Variants in HIPK3 observed in about 807,000 individuals in gnomAD.
HIPK3 encodes the protein homeodomain interacting protein kinase 3.
In HIPK3, 47 loss-of-function variants were observed where a neutral mutation model predicts 124.2. The observed-to-expected ratio is 0.38, with a 90% CI of 0.30 to 0.48. HIPK3 has a LOEUF of 0.48. Ranked by LOEUF, HIPK3 falls within the 20% of genes least tolerant of loss-of-function variation. The probability of loss-of-function intolerance (pLI) is 0.98; values close to 1 mark genes in which losing one functional copy is unlikely to be tolerated. For synonymous variants in HIPK3, 482 were observed against 515.2 expected (o/e 0.94, Z 0.87); for missense variants, 1,286 against 1,454.3 (o/e 0.88, Z 1.88).
rs1396262442 is a variant in HIPK3 at position 33,356,264 on chromosome 11, C to T, written c.*2696C>T. 2 of 151,926 alleles carry T rather than the reference C, an allele frequency of 1.3e-5. No individual in the cohort carries two copies. The highest frequency in any genetic ancestry group is 2.9e-5 in the Non-Finnish European group (2 of 67,896). The allele number at this position is 151,926 out of a possible 1,614,324, so 9.4% of individuals were successfully genotyped here. On this transcript the variant is annotated 3_prime_UTR_variant, in exon 17 of 17. Transcript: ENST00000303296. ...AGGTATATCCCAGTTAACTACACTG[C>T]TCTTTAATTGCAATCATGGGCATTT...
chr11:33,285,014 T>A (rs970828171), intron 1 of HIPK3, among the ~76,000 whole-genome samples: 7 of 152,224 alleles, frequency 4.6e-5, no homozygotes, highest in African/African-American at 1.7e-4. Flanking sequence ...ATTTCATATT[T>A]TATAAATTCT....
At chr11:33,312,851 C>CA (rs1355334826) in intron 2 of HIPK3, among the ~76,000 whole-genome samples, 1 of 152,120 alleles carries the variant, frequency 6.6e-6, no homozygotes, top group Non-Finnish European at 1.5e-5. Flanking sequence ...TCTGGAAAGG[C>CA]AAGTATATCT....
chr11:33,272,766 C>G (rs538392693), intron 1 of HIPK3, among the ~76,000 whole-genome samples: 1 of 86,026 alleles, frequency 1.2e-5, no homozygotes, highest in African/African-American at 4.6e-5. Flanking sequence ...CTCTCCCTCC[C>G]TCCCTCCTCC....
chr11:33,328,786 CTG>C (rs759263548), intron 3 of HIPK3, among the ~76,000 whole-genome samples, 153 bp downstream of exon 3: 5 of 152,100 alleles, frequency 3.3e-5, no homozygotes, highest in African/African-American at 1.2e-4. Context: ...ATTTTGAAAA[CTG>C]TTTTATAATG....
intron 1 of HIPK3, among the ~76,000 whole-genome samples, chr11:33,280,234 A>T (rs1010597914): frequency 1.3e-5 from 2 of 152,220 alleles, no homozygotes; most frequent in Non-Finnish European, 2.9e-5. Context: ...AGGGTCATGA[A>T]TAATACAGCT....
chr11:33,341,024 A>T lies in HIPK3; in HGVS notation c.1670A>T (p.Asp557Val). 6.2e-7 allele frequency: 1 copy of T among 1,608,954 alleles called. No individual in the cohort carries two copies. The highest frequency in any genetic ancestry group is 8.5e-7 in the Non-Finnish European group (1 of 1,175,698). Residue 557 changes from aspartate (D) to valine (V), a missense_variant, in exon 7 of 17, where the codon GAC (aspartate) becomes GTC (valine). Physicochemically the swap from Asp to Val is radical, Grantham distance 152. Transcript: ENST00000303296. ...TGTAAGTCCCACCTAAATTCATGTG[A>T]CACAAATAATCACAACAAAACTTCA... ...DICKSHLNSC[D>V]TNNHNKTSLL...
chr11:33,296,979 A>G (rs1851858509), intron 2 of HIPK3, among the ~76,000 whole-genome samples: 1 of 152,238 alleles, frequency 6.6e-6, no homozygotes, highest in Admixed American at 6.5e-5. Flanking sequence ...TATTGTGGCA[A>G]ACAGTCAAGT....
chr11:33,345,933 T>G (rs1223336094), intron 8 of HIPK3, among the ~76,000 whole-genome samples: 1 of 152,118 alleles, frequency 6.6e-6, no homozygotes, highest in Admixed American at 6.5e-5. Flanking sequence ...AAGAAAACAA[T>G]TGTAGTATTT....
chr11:33,279,718 CTG>C (rs1851363615), intron 1 of HIPK3, among the ~76,000 whole-genome samples: 1 of 152,132 alleles, frequency 6.6e-6, no homozygotes, highest in Non-Finnish European at 1.5e-5. Context: ...ATCCCTTAGA[CTG>C]GGTAATTTCT....
chr11:33,340,966 A>G lies in HIPK3; in HGVS notation c.1614-2A>G. Reference sequence around the variant, plus strand: ...GTAATACCTTCACTTTTTCTTTTACAGTGTAAAGTCCTGTTTTCATATTAT... The same window carrying G: ...GTAATACCTTCACTTTTTCTTTTACGGTGTAAAGTCCTGTTTTCATATTAT... On this transcript the variant is annotated splice_acceptor_variant, in intron 6 of 16. Coordinates refer to ENST00000303296, the MANE Select transcript of HIPK3 (RefSeq NM_005734.5). LOFTEE classifies it high-confidence loss of function. 1 of 1,543,416 alleles carries G rather than the reference A, an allele frequency of 6.5e-7. No homozygotes were observed. The highest frequency in any genetic ancestry group is 8.8e-7 in the Non-Finnish European group (1 of 1,131,220).
At chr11:33,306,819 A>G (rs912433083) in intron 2 of HIPK3, among the ~76,000 whole-genome samples, 5 of 152,210 alleles carry the variant, frequency 3.3e-5, no homozygotes, top group African/African-American at 9.6e-5. Flanking sequence ...ATATGATGAT[A>G]GGGAGTCTCC....
At chr11:33,280,274 GA>G (rs928087268) in intron 1 of HIPK3, among the ~76,000 whole-genome samples, 2 of 152,104 alleles carry the variant, frequency 1.3e-5, no homozygotes, top group Non-Finnish European at 2.9e-5. Context: ...ACATTGCAAT[GA>G]AAAATAGGAA....
chr11:33,295,566 A>AGT (rs1371643452), intron 2 of HIPK3, among the ~76,000 whole-genome samples: 4 of 152,260 alleles, frequency 2.6e-5, no homozygotes, highest in African/African-American at 4.8e-5. Flanking sequence ...TCGTTCACAT[A>AGT]GTACCCAGGT....
chr11:33,273,401 C>T (rs974318873), intron 1 of HIPK3, among the ~76,000 whole-genome samples: 12 of 144,706 alleles, frequency 8.3e-5, no homozygotes, highest in African/African-American at 2.6e-4. Context: ...CCCAGCTACT[C>T]GGGAGGCTGA....
In HIPK3 at chr11:33,353,815, A is replaced by C; in HGVS notation, c.*247A>C. ...AGGTGACTTATGGGAGCAGAAGTCC[A>C]GTTTTGCTCCTGCTATTTTTTATAA... On this transcript the variant is annotated 3_prime_UTR_variant, in exon 17 of 17. Transcript: ENST00000303296. 1 of 437,094 alleles carries C rather than the reference A, an allele frequency of 2.3e-6. No individual in the cohort carries two copies. The highest frequency in any genetic ancestry group is 4.2e-6 in the Non-Finnish European group (1 of 238,558). The allele number at this position is 437,094 out of a possible 1,614,324, so 27.1% of individuals were successfully genotyped here.
chr11:33,333,570 G>A (rs1853052130), intron 3 of HIPK3, among the ~76,000 whole-genome samples: 1 of 152,062 alleles, frequency 6.6e-6, no homozygotes, highest in Non-Finnish European at 1.5e-5. Context: ...ATGGAGGAAG[G>A]CAAATATATT....
At chr11:33,290,410 GT>G (rs1851667718) in intron 2 of HIPK3, among the ~76,000 whole-genome samples, 1 of 151,832 alleles carries the variant, frequency 6.6e-6, no homozygotes, top group Admixed American at 6.6e-5. Flanking sequence ...AAGAATAGTA[GT>G]TTTTGTTTTT....
intron 4 of HIPK3, among the ~76,000 whole-genome samples, chr11:33,338,230 T>C (rs1381709384): frequency 6.6e-6 from 1 of 151,982 alleles, no homozygotes; most frequent in African/African-American, 2.4e-5. Context: ...TCATAAACAG[T>C]TATTATTATT....
chr11:33,320,010 A>G (rs575094519), intron 2 of HIPK3, among the ~76,000 whole-genome samples: 7 of 152,344 alleles, frequency 4.6e-5, no homozygotes, highest in Admixed American at 2.0e-4. Flanking sequence ...GGAAGGGATC[A>G]AGTCTTGTAT....
Sources: allele counts gnomAD v4.1 joint callset (sites outside exome capture counted in the v4.1 genomes callset), GRCh38; gene constraint gnomAD v4.1.1; transcripts MANE v1.5; gene names NCBI Gene and HGNC (gene_info 2026-07-23, HGNC 2026-07-21).